FAM120B: variants seen among roughly 807,000 people sequenced by gnomAD.
FAM120B encodes the protein family with sequence similarity 120 member B.
A neutral mutation model predicts 96.3 loss-of-function variants in FAM120B; 83 were observed. That is an observed-to-expected ratio of 0.86 (90% CI 0.72 to 1.03). The LOEUF is 1.03. FAM120B is among the 50% of genes least tolerant of loss of function. FAM120B has a pLI of 0.00. For missense variants in FAM120B, 1,027 were observed against 1,121.2 expected, an observed-to-expected ratio of 0.92 and a Z score of 1.20; for synonymous variants, 407 against 402.7, an observed-to-expected ratio of 1.01 and a Z score of -0.13.
chr6:170,368,826 G>T lies in FAM120B; in HGVS notation c.2283+10508G>T, dbSNP rs867243097. Among the ~76,000 whole-genome samples, 2 of 149,604 alleles carry T rather than the reference G, an allele frequency of 1.3e-5. 1 individual carries two copies. Among genetic ancestry groups the T allele is most frequent in the East Asian group, 3.9e-4 (2 of 5,116 alleles). Reference sequence around the variant, plus strand: ...CTCTGCTGTCTGCCGGGGCTGGGGGGGGGGCTCCCTCCTGGCTTGCAGGCA... The same window carrying T: ...CTCTGCTGTCTGCCGGGGCTGGGGGTGGGGCTCCCTCCTGGCTTGCAGGCA... On this transcript the variant is annotated intron_variant, in intron 6 of 10. Transcript: ENST00000476287.
At chr6:170,397,941 G>C (rs1778271223) in intron 9 of FAM120B, among the ~76,000 whole-genome samples, 1 of 152,054 alleles carries the variant, frequency 6.6e-6, no homozygotes, top group Non-Finnish European at 1.5e-5. Context: ...CCTACTCCTA[G>C]CCTCGTGGTA....
At chr6:170,328,532 C>T (rs1433834428) in intron 3 of FAM120B, among the ~76,000 whole-genome samples, 1 of 152,102 alleles carries the variant, frequency 6.6e-6, no homozygotes, top group African/African-American at 2.4e-5. Context: ...TCGTTGTTCC[C>T]CATGTGTTAC....
At chr6:170,357,296 A>C (rs938467732) in intron 5 of FAM120B, among the ~76,000 whole-genome samples, 1 of 152,016 alleles carries the variant, frequency 6.6e-6, no homozygotes, top group African/African-American at 2.4e-5. Context: ...TGGGAGAGGA[A>C]TGTCTCTACC....
rs1554286442 is a variant in FAM120B, at chr6:170,361,222, A to ATATATATACG, written c.2283+2912_2283+2913insCGTATATATA. ...TGTATATATATATATATATATATAT[A>ATATATATACG]TATATATATATATACACGTATATAT... On this transcript the variant is annotated intron_variant, in intron 6 of 10. Coordinates refer to ENST00000476287, the MANE Select transcript of FAM120B (RefSeq NM_032448.3). Among the ~76,000 whole-genome samples, 3,512 of 101,896 alleles carry ATATATATACG rather than the reference A, an allele frequency of 0.034. 688 individuals are homozygous for ATATATATACG. The East Asian group carries it at 0.58, about 17-fold the overall frequency. 66.8% of individuals were successfully genotyped at this position (101,896 alleles called of 152,430 possible).
upstream of FAM120B, among the ~76,000 whole-genome samples, chr6:170,293,499 C>T (rs1198719093): frequency 2.0e-5 from 3 of 152,114 alleles, no homozygotes; most frequent in Non-Finnish European, 2.9e-5. Flanking sequence ...ACAGATTTCT[C>T]GATTACGGCG....
At chr6:170,386,154 G>T (rs915118467) in intron 6 of FAM120B, among the ~76,000 whole-genome samples, 1 of 152,128 alleles carries the variant, frequency 6.6e-6, no homozygotes, top group African/African-American at 2.4e-5. Context: ...TTTGCCGATT[G>T]TAACAAATGT....
At chr6:170,372,452 G>A (rs1483746958) in intron 6 of FAM120B, among the ~76,000 whole-genome samples, 1 of 152,116 alleles carries the variant, frequency 6.6e-6, no homozygotes, top group Non-Finnish European at 1.5e-5. Flanking sequence ...GCCTTGCCTG[G>A]CTGTGCTCCT....
rs1238070786 is a variant in FAM120B, at chr6:170,348,173, A to G, written c.2040A>G (p.Ile680Met). The G allele has an allele frequency of 2.5e-6, 4 of 1,613,848 alleles. No individual in the cohort carries two copies. The highest frequency in any genetic ancestry group is 3.4e-6 in the Non-Finnish European group (4 of 1,179,940). ...TAGGGGGAACGCCTAGTTTGAAAAT[A>G]TTATGGCTGAACCAAGAGCCAGAAA... ...TIPGGTPSLK[I>M]LWLNQEPEIQ... Residue 680 changes from isoleucine to methionine, a missense_variant, in exon 5 of 11, where the codon ATA becomes ATG. By Grantham distance (10) the Ile-to-Met change is conservative. Coordinates refer to ENST00000476287, the MANE Select transcript of FAM120B (RefSeq NM_032448.3).
upstream of FAM120B, chr6:170,291,155 A>G: frequency 6.3e-6 from 2 of 316,150 alleles, no homozygotes; most frequent in Non-Finnish European, 1.2e-5. Flanking sequence ...CCCCGCCCCC[A>G]GCCCCCCCTT....
chr6:170,311,634 G>T (rs1471596186), intron 1 of FAM120B, among the ~76,000 whole-genome samples: 2 of 152,146 alleles, frequency 1.3e-5, no homozygotes, highest in Admixed American at 1.3e-4. Flanking sequence ...AAATTCCCCA[G>T]CACTCTTACC....
upstream of FAM120B, among the ~76,000 whole-genome samples, chr6:170,303,358 G>A (rs1784182710): frequency 6.6e-6 from 1 of 152,108 alleles, no homozygotes; most frequent in African/African-American, 2.4e-5. Context: ...TCCCACCTCA[G>A]CCTCCTAAGT....
rs373543679 is a variant in FAM120B at position 170,390,987 on chromosome 6, C to G, written c.2491-26C>G. ...CTTTGCCACATCTGGCCCCTCACAT[C>G]TCATTTGCATCTGGTCTGTTTGCAG... On this transcript the variant is annotated intron_variant, in intron 7 of 10. Coordinates refer to ENST00000476287, the MANE Select transcript of FAM120B (RefSeq NM_032448.3). The G allele has an allele frequency of 4.1e-5, 65 of 1,601,078 alleles. No individual in the cohort carries two copies. In the African/African-American group the frequency reaches 7.6e-4, roughly 19 times the overall value.
intron 2 of FAM120B, 120 bp from the exon 3 acceptor site, chr6:170,322,959 C>G (rs1392879670): frequency 1.3e-6 from 1 of 748,170 alleles, no homozygotes; most frequent in Non-Finnish European, 2.1e-6. Context: ...ATTTCAGGGT[C>G]AGTTACATTT....
intron 6 of FAM120B, among the ~76,000 whole-genome samples, chr6:170,385,082 A>G (rs372228036): frequency 5.9e-5 from 9 of 152,360 alleles, no homozygotes; most frequent in African/African-American, 2.2e-4. Context: ...AGAATTGACT[A>G]GATGACAGCT....
upstream of FAM120B, chr6:170,291,123 C>T: frequency 3.8e-6 from 2 of 525,672 alleles, no homozygotes; most frequent in Admixed American, 4.5e-5. Flanking sequence ...CACCCTTCCC[C>T]GCCCCCCCAG....
rs1787831583 is a variant in FAM120B at position 170,355,269 on chromosome 6, A to G, written c.2191-2957A>G. The stretch of plus-strand genomic sequence containing the variant: ...CTATTGTAAAGATACATGCATGAGT[A>G]TGTTCACTGCAGCACTATTCACAAT... On this transcript the variant is annotated intron_variant, in intron 5 of 10. Transcript: ENST00000476287. 2.0e-5 allele frequency among the ~76,000 whole-genome samples: 3 copies of G among 152,240 alleles called. No individual in the cohort carries two copies. In the South Asian group the frequency reaches 6.2e-4, roughly 31 times the overall value.
chr6:170,356,777 T>A (rs1365566738), intron 5 of FAM120B, among the ~76,000 whole-genome samples: 1 of 152,226 alleles, frequency 6.6e-6, no homozygotes, highest in Non-Finnish European at 1.5e-5. Flanking sequence ...GTACTCTCAT[T>A]TGGTCTGACC....
intron 1 of FAM120B, among the ~76,000 whole-genome samples, chr6:170,309,735 A>T (rs1562512343): frequency 6.6e-6 from 1 of 152,238 alleles, no homozygotes; most frequent in East Asian, 1.9e-4. Flanking sequence ...TAACTATGAT[A>T]AGAGCATATT....
At chr6:170,372,386 A>G (rs1789249145) in intron 6 of FAM120B, among the ~76,000 whole-genome samples, 1 of 115,238 alleles carries the variant, frequency 8.7e-6, no homozygotes, top group African/African-American at 3.4e-5. Flanking sequence ...ACTAACGTAA[A>G]TTATTCCAAG....
Sources: allele counts gnomAD v4.1 joint callset (sites outside exome capture counted in the v4.1 genomes callset), GRCh38; gene constraint gnomAD v4.1.1; transcripts MANE v1.5; gene names NCBI Gene and HGNC (gene_info 2026-07-23, HGNC 2026-07-21).